The following CACNA2D3 variants were observed in gnomAD, a reference collection of about 807,000 sequenced individuals.
CACNA2D3 encodes the protein voltage-dependent calcium channel subunit alpha-2/delta-3.
In CACNA2D3, 60 loss-of-function variants were observed where a neutral mutation model predicts 160.6. That is an observed-to-expected ratio of 0.37 (90% CI 0.30 to 0.46). The LOEUF (loss-of-function observed/expected upper bound fraction) is 0.46. Ranked by LOEUF, CACNA2D3 falls within the 20% of genes least tolerant of loss-of-function variation. The pLI, the probability that CACNA2D3 is intolerant of heterozygous loss-of-function variation, is 1.00. For missense variants in CACNA2D3, 1,205 were observed against 1,365.0 expected (o/e 0.88, Z 1.85); for synonymous variants, 558 against 492.9 (o/e 1.13, Z -1.75).
intron 25 of CACNA2D3, among the ~76,000 whole-genome samples, chr3:54,894,392 G>T (rs76555244): frequency 6.6e-6 from 1 of 152,000 alleles, no homozygotes; most frequent in African/African-American, 2.4e-5. Context: ...GCACTGTCCC[G>T]GGCAGCAGGG....
intron 13 of CACNA2D3, among the ~76,000 whole-genome samples, chr3:54,765,798 G>T (rs1348769756): frequency 6.6e-6 from 1 of 152,054 alleles, no homozygotes. Context: ...TAGAGTAGAA[G>T]GTCCAAAAAA....
intron 17 of CACNA2D3, among the ~76,000 whole-genome samples, chr3:54,846,879 G>T (rs1234780646): frequency 6.6e-6 from 1 of 152,106 alleles, no homozygotes; most frequent in African/African-American, 2.4e-5. Context: ...CAAGATCCCT[G>T]GAAATTTATT....
intron 11 of CACNA2D3, among the ~76,000 whole-genome samples, chr3:54,645,402 G>A (rs544868855): frequency 1.1e-3 from 162 of 152,330 alleles, no homozygotes; most frequent in Non-Finnish European, 1.9e-3. Context: ...AAATTTTAGA[G>A]TTGTAGTTTC....
intron 4 of CACNA2D3, among the ~76,000 whole-genome samples, chr3:54,437,937 TG>T: frequency 6.6e-6 from 1 of 152,202 alleles, no homozygotes; most frequent in Non-Finnish European, 1.5e-5. Flanking sequence ...ACAGTATGGA[TG>T]CTTAGCAGTT....
At chr3:54,951,027 A>G (rs183187168) in intron 27 of CACNA2D3, among the ~76,000 whole-genome samples, 1 of 152,328 alleles carries the variant, frequency 6.6e-6, no homozygotes, top group Admixed American at 6.5e-5. Flanking sequence ...TCCCTTTACT[A>G]TCTCCAAATG....
At chr3:54,810,357 C>T (rs1023128600) in intron 13 of CACNA2D3, among the ~76,000 whole-genome samples, 6 of 152,206 alleles carry the variant, frequency 3.9e-5, no homozygotes, top group African/African-American at 1.2e-4. Context: ...ACAACCTGCA[C>T]TGCCAAATCT....
chr3:54,382,065 G>A (rs1699112500), intron 3 of CACNA2D3, among the ~76,000 whole-genome samples: 1 of 152,166 alleles, frequency 6.6e-6, no homozygotes, highest in African/African-American at 2.4e-5. Context: ...TCACAGCTCA[G>A]TTCCATAGGC....
intron 35 of CACNA2D3, among the ~76,000 whole-genome samples, chr3:55,024,542 C>T (rs1001317318): frequency 6.6e-6 from 1 of 152,070 alleles, no homozygotes; most frequent in Non-Finnish European, 1.5e-5. Context: ...TCTGTTTGAC[C>T]TTCCATCATG....
chr3:54,668,523 T>G (rs1265723202), intron 11 of CACNA2D3, among the ~76,000 whole-genome samples: 1 of 152,254 alleles, frequency 6.6e-6, no homozygotes, highest in African/African-American at 2.4e-5. Flanking sequence ...TTACACAGGC[T>G]TATTGCTCAG....
Position 55,004,847 on chromosome 3 carries a change from T to C in CACNA2D3, c.2766+9T>C, listed in dbSNP as rs758074659. ...CCCATGGCCTCCTGGATGTAAGTAC[T>C]ATGCTGTCACTCAGAAAACAGCCAC... is the stretch of plus-strand genomic sequence containing the variant. On this transcript the variant is annotated intron_variant, in intron 32 of 37. Coordinates refer to ENST00000474759, the MANE Select transcript of CACNA2D3 (RefSeq NM_018398.3). 8 of 1,602,136 alleles carry C rather than the reference T, an allele frequency of 5.0e-6. No individual in the cohort carries two copies. Among genetic ancestry groups the C allele is most frequent in the Non-Finnish European group, 6.8e-6 (8 of 1,169,468 alleles).
At chr3:54,268,616 G>C (rs1265725799) in intron 2 of CACNA2D3, among the ~76,000 whole-genome samples, 2 of 152,088 alleles carry the variant, frequency 1.3e-5, no homozygotes, top group African/African-American at 2.4e-5. Context: ...CATCATATTG[G>C]CCAGGGTGGT....
In CACNA2D3 at chr3:54,756,371, C is replaced by T. The variant is rs147706610; in HGVS notation, c.1246+3694C>T. 5.1e-4 allele frequency among the ~76,000 whole-genome samples: 78 copies of T among 152,292 alleles called. No individual in the cohort carries two copies. In the East Asian group the frequency reaches 0.013, roughly 26 times the overall value. On this transcript the variant is annotated intron_variant, in intron 12 of 37. Coordinates refer to ENST00000474759, the MANE Select transcript of CACNA2D3 (RefSeq NM_018398.3). ...TGTGCCCATATAAACATTGGCTTCA[C>T]GTTGCGTCAGTTAAGGGGTTTTGGA...
intron 2 of CACNA2D3, among the ~76,000 whole-genome samples, chr3:54,185,386 G>A (rs1031110250): frequency 1.3e-5 from 2 of 151,912 alleles, no homozygotes; most frequent in African/African-American, 4.8e-5. Flanking sequence ...GCACATTAAG[G>A]GCTCTTAGAA....
intron 11 of CACNA2D3, among the ~76,000 whole-genome samples, chr3:54,701,909 G>C (rs1700773605): frequency 6.6e-6 from 1 of 152,102 alleles, no homozygotes. Flanking sequence ...TACAAAAGCA[G>C]ACACAGACCA....
intron 14 of CACNA2D3, among the ~76,000 whole-genome samples, chr3:54,819,419 A>G (rs984240838): frequency 2.0e-5 from 3 of 152,172 alleles, no homozygotes; most frequent in Admixed American, 6.5e-5. Flanking sequence ...TAGCACATCA[A>G]GAGAGCAGTC....
chr3:54,812,537 C>A (rs1219655239), intron 13 of CACNA2D3, among the ~76,000 whole-genome samples: 2 of 152,330 alleles, frequency 1.3e-5, no homozygotes, highest in East Asian at 1.9e-4. Context: ...CCACCTGATA[C>A]ACCACATATT....
At chr3:54,419,788 T>C (rs148477941) in intron 4 of CACNA2D3, among the ~76,000 whole-genome samples, 8,611 of 152,288 alleles carry the variant, frequency 0.057, 309 homozygotes, top group Middle Eastern at 0.095. Context: ...TTTTATGAGA[T>C]GGAGTCTTGC....
intron 5 of CACNA2D3, among the ~76,000 whole-genome samples, chr3:54,533,462 G>A (rs1223792179): frequency 1.3e-5 from 2 of 149,704 alleles, no homozygotes; most frequent in South Asian, 2.1e-4. Flanking sequence ...AGCCTCCCAA[G>A]TAGCTGGGAT....
At chr3:54,282,925 G>C (rs989134214) in intron 2 of CACNA2D3, among the ~76,000 whole-genome samples, 2 of 151,764 alleles carry the variant, frequency 1.3e-5, no homozygotes, top group Non-Finnish European at 2.9e-5. Flanking sequence ...AGCATTGTTT[G>C]TGCTTGTAGA....
Sources: allele counts gnomAD v4.1 joint callset (sites outside exome capture counted in the v4.1 genomes callset), GRCh38; gene constraint gnomAD v4.1.1; transcripts MANE v1.5; gene names NCBI Gene and HGNC (gene_info 2026-07-23, HGNC 2026-07-21).